The following FBXL20 variants were observed in gnomAD, a reference collection of about 807,000 sequenced individuals.
FBXL20 encodes F-box/LRR-repeat protein 20.
FBXL20 carries 11 observed loss-of-function variants against 64.0 expected under a neutral mutation model. The observed-to-expected ratio is 0.17, with a 90% CI of 0.11 to 0.28. The LOEUF (loss-of-function observed/expected upper bound fraction) is 0.28. Among genes scored for constraint, FBXL20 ranks in the 10% least tolerant of loss-of-function variants. The pLI, the probability that FBXL20 is intolerant of heterozygous loss-of-function variation, is 1.00. For synonymous variants in FBXL20, 184 were observed against 189.0 expected (o/e 0.97, Z 0.22); for missense variants, 303 against 526.2 (o/e 0.58, Z 4.15).
intron 1 of FBXL20, among the ~76,000 whole-genome samples, chr17:39,353,418 CTATTT>C (rs779496820): frequency 1.3e-5 from 2 of 151,958 alleles, no homozygotes; most frequent in Non-Finnish European, 2.9e-5. Context: ...TATAATTGTT[CTATTT>C]TATTAGTTAT....
chr17:39,386,365 A>C (rs1410918785), intron 1 of FBXL20, among the ~76,000 whole-genome samples: 2 of 152,028 alleles, frequency 1.3e-5, no homozygotes, highest in African/African-American at 4.8e-5. Context: ...GACGTGACTC[A>C]CGCCTGTAAT....
intron 1 of FBXL20, among the ~76,000 whole-genome samples, chr17:39,371,036 T>C (rs1326219536): frequency 6.6e-6 from 1 of 151,596 alleles, no homozygotes; most frequent in East Asian, 2.0e-4. Context: ...CTGACCACCA[T>C]GGAGAAACCC....
intron 14 of FBXL20, 79 bp from the exon 15 acceptor site, chr17:39,261,646 C>A (rs2046746339): frequency 9.5e-7 from 1 of 1,047,328 alleles, no homozygotes; most frequent in South Asian, 1.5e-5. Context: ...GAAAAACTAC[C>A]GAGGGGCTCA....
intron 2 of FBXL20, among the ~76,000 whole-genome samples, chr17:39,323,594 T>G (rs545337268): frequency 2.0e-5 from 3 of 152,166 alleles, no homozygotes; most frequent in African/African-American, 7.2e-5. Context: ...CAATTGCAAT[T>G]GTACCTTGAA....
chr17:39,374,841 TA>T (rs767505841), intron 1 of FBXL20, among the ~76,000 whole-genome samples: 1 of 152,000 alleles, frequency 6.6e-6, no homozygotes, highest in African/African-American at 2.4e-5. Context: ...AGGCTGGGTG[TA>T]GTAGCGTGAT....
intron 7 of FBXL20, among the ~76,000 whole-genome samples, chr17:39,285,184 G>GT (rs1314701923): frequency 6.6e-6 from 1 of 152,160 alleles, no homozygotes; most frequent in Non-Finnish European, 1.5e-5. Context: ...GATTACAGGC[G>GT]TGAGTCTTCA....
chr17:39,332,204 T>C (rs1339236703), intron 2 of FBXL20, among the ~76,000 whole-genome samples: 5 of 152,206 alleles, frequency 3.3e-5, no homozygotes, highest in Non-Finnish European at 5.9e-5. Context: ...ATATAAAACA[T>C]TGTGTGCGAG....
chr17:39,269,339 G>C (rs1185411680), intron 11 of FBXL20, among the ~76,000 whole-genome samples: 1 of 147,956 alleles, frequency 6.8e-6, no homozygotes, highest in Non-Finnish European at 1.5e-5. Context: ...GACTACAGGC[G>C]CCCGCCACCA....
intron 5 of FBXL20, 195 bp from the exon 6 acceptor site, chr17:39,297,390 A>C: frequency 2.6e-6 from 1 of 381,386 alleles, no homozygotes; most frequent in Non-Finnish European, 4.7e-6. Context: ...TAATTTCCTG[A>C]GTGATAGTAT....
At chr17:39,382,820 G>A (rs1419182258) in intron 1 of FBXL20, among the ~76,000 whole-genome samples, 1 of 151,960 alleles carries the variant, frequency 6.6e-6, no homozygotes, top group African/African-American at 2.4e-5. Context: ...GCCTGGGTGA[G>A]AGAGTGAGAC....
chr17:39,277,437 T>G (rs531051554), intron 9 of FBXL20, among the ~76,000 whole-genome samples: 1 of 152,206 alleles, frequency 6.6e-6, no homozygotes, highest in African/African-American at 2.4e-5. Flanking sequence ...GGAAGAAAGA[T>G]GAGTTAAGTC....
chr17:39,264,449 G>T, intron 13 of FBXL20, 62 bp from the exon 14 acceptor site: 1 of 1,560,650 alleles, frequency 6.4e-7, no homozygotes, highest in Non-Finnish European at 8.8e-7. Context: ...CTAGCCAGAG[G>T]CTTGTGTGAA....
At chr17:39,359,161 A>G (rs1213383629) in intron 1 of FBXL20, among the ~76,000 whole-genome samples, 4 of 151,880 alleles carry the variant, frequency 2.6e-5, no homozygotes, top group East Asian at 1.9e-4. Flanking sequence ...GGCCAACCCC[A>G]TATCTACAAA....
chr17:39,377,554 G>A (rs1274076164), intron 1 of FBXL20, among the ~76,000 whole-genome samples: 1 of 150,670 alleles, frequency 6.6e-6, no homozygotes, highest in Non-Finnish European at 1.5e-5. Flanking sequence ...AGGCTGGAGT[G>A]CAGTGGCGCG....
rs1206141303 is a variant in FBXL20 at position 39,312,034 on chromosome 17, G to C, written c.105-8395C>G. On this transcript the variant is annotated intron_variant, in intron 2 of 14. Coordinates refer to ENST00000264658, the MANE Select transcript of FBXL20 (RefSeq NM_032875.3). Reference sequence around the variant, plus strand: ...GTTCTAAGTATTAAGATGTCATTGAGTTAGCTTTTCACTTGGATTTGAACG... The same window carrying C: ...GTTCTAAGTATTAAGATGTCATTGACTTAGCTTTTCACTTGGATTTGAACG... Among the ~76,000 whole-genome samples, 5 of 152,134 alleles carry C rather than the reference G, an allele frequency of 3.3e-5. No individual in the cohort carries two copies. In the East Asian group the frequency reaches 9.6e-4, roughly 29 times the overall value.
intron 1 of FBXL20, 112 bp downstream of exon 1, chr17:39,401,249 G>C: frequency 2.5e-6 from 4 of 1,582,948 alleles, no homozygotes; most frequent in Non-Finnish European, 2.6e-6. Context: ...AGCCCCGCCA[G>C]TGGGTGGGTG....
chr17:39,361,050 C>T (rs940562554), intron 1 of FBXL20, among the ~76,000 whole-genome samples: 1 of 152,158 alleles, frequency 6.6e-6, no homozygotes, highest in African/African-American at 2.4e-5. Context: ...AAAGTCAGTG[C>T]CACATTCTAG....
intron 9 of FBXL20, among the ~76,000 whole-genome samples, chr17:39,279,068 T>C (rs1311584281): frequency 6.6e-6 from 1 of 151,836 alleles, no homozygotes; most frequent in Non-Finnish European, 1.5e-5. Context: ...TCCTTGAACC[T>C]GGGAGATGGA....
At chr17:39,310,323 C>T (rs926930783) in intron 2 of FBXL20, among the ~76,000 whole-genome samples, 2 of 151,958 alleles carry the variant, frequency 1.3e-5, no homozygotes, top group Non-Finnish European at 2.9e-5. Context: ...ATACTAACTT[C>T]CCCTGAATTT....
Sources: gnomAD v4.1 joint callset for allele counts (sites outside exome capture counted in the v4.1 genomes callset) on GRCh38, gnomAD v4.1.1 for gene constraint, MANE v1.5 for transcripts, NCBI Gene and HGNC (gene_info 2026-07-23, HGNC 2026-07-21) for gene names.